DCC: variants seen among roughly 807,000 people sequenced by gnomAD.
DCC encodes netrin receptor DCC.
DCC carries 58 observed loss-of-function variants against 172.5 expected under a neutral mutation model. The observed-to-expected ratio is 0.34, with a 90% CI of 0.27 to 0.42. DCC has a LOEUF of 0.42. Among genes scored for constraint, DCC ranks in the 10% least tolerant of loss-of-function variants. The pLI is 1.00. For missense variants in DCC, 1,740 were observed against 1,791.0 expected (o/e 0.97, Z 0.51); for synonymous variants, 709 against 644.5 (o/e 1.10, Z -1.52).
At position 53,101,349 on chromosome 18, in the gene DCC, G is replaced by C. The variant is rs145947969; in HGVS notation, c.1261+35183G>C. Among the ~76,000 whole-genome samples, 15 of 152,188 alleles carry C rather than the reference G, an allele frequency of 9.9e-5. No homozygotes were observed. The East Asian group carries it at 1.2e-3, about 12-fold the overall frequency. On this transcript the variant is annotated intron_variant, in intron 7 of 28. Coordinates refer to ENST00000442544, the MANE Select transcript of DCC (RefSeq NM_005215.4). ...AGATGAGTAGGGGCCTGCAGAAAGA[G>C]CTAGTTAGATTAATCCTTAAGGAGT...
chr18:52,711,160 T>C (rs973305984), intron 1 of DCC, among the ~76,000 whole-genome samples: 2 of 152,186 alleles, frequency 1.3e-5, no homozygotes, highest in Admixed American at 6.5e-5. Context: ...GACCTATTTA[T>C]TTATTTATTT....
At chr18:52,893,213 A>T (rs1040823052) in intron 2 of DCC, among the ~76,000 whole-genome samples, 1 of 152,108 alleles carries the variant, frequency 6.6e-6, no homozygotes, top group Non-Finnish European at 1.5e-5. Flanking sequence ...ACTCAGGCAC[A>T]TGTCTTTGGC....
intron 5 of DCC, among the ~76,000 whole-genome samples, chr18:52,933,188 G>C (rs953895952): frequency 6.6e-6 from 1 of 152,086 alleles, no homozygotes; most frequent in African/African-American, 2.4e-5. Context: ...ACCACAGTGT[G>C]AGTAGAAAAC....
chr18:52,486,778 G>T (rs2030247114), intron 1 of DCC, among the ~76,000 whole-genome samples: 1 of 152,102 alleles, frequency 6.6e-6, no homozygotes, highest in Non-Finnish European at 1.5e-5. Context: ...AAATAATGGG[G>T]TTGATTCTGC....
intron 7 of DCC, among the ~76,000 whole-genome samples, chr18:53,156,593 G>C (rs1482236400): frequency 5.9e-5 from 9 of 151,584 alleles, no homozygotes; most frequent in Admixed American, 5.9e-4. Flanking sequence ...CTTACTGTAT[G>C]TTAAAACTAT....
intron 9 of DCC, among the ~76,000 whole-genome samples, chr18:53,200,980 A>G (rs2055528297): frequency 6.6e-6 from 1 of 152,010 alleles, no homozygotes; most frequent in South Asian, 2.1e-4. Context: ...GCCACCTACT[A>G]TGCATGTGGT....
chr18:53,463,419 T>C lies in DCC; in HGVS notation c.3619+3961T>C, dbSNP rs1175341283. On this transcript the variant is annotated intron_variant, in intron 24 of 28. Coordinates refer to ENST00000442544, the MANE Select transcript of DCC (RefSeq NM_005215.4). ...GTAATCCTCAAAGTCCTGCAAGCTA[T>C]ACTTTATGTTAAATTAAGTATTCTT... Among the ~76,000 whole-genome samples, 4 of 152,138 alleles carry C rather than the reference T, an allele frequency of 2.6e-5. No homozygotes were observed. In the East Asian group the frequency reaches 7.7e-4, roughly 29 times the overall value.
At chr18:53,111,083 G>A (rs1395154727) in intron 7 of DCC, among the ~76,000 whole-genome samples, 1 of 148,960 alleles carries the variant, frequency 6.7e-6, no homozygotes, top group Admixed American at 6.7e-5. Flanking sequence ...AAAATGATGA[G>A]TTCATGTCCT....
At chr18:52,469,131 C>T (rs2144556560) in intron 1 of DCC, among the ~76,000 whole-genome samples, 1 of 152,160 alleles carries the variant, frequency 6.6e-6, no homozygotes, top group East Asian at 1.9e-4. Context: ...GATCTCAGCT[C>T]ACTGCAAACT....
At chr18:52,384,266 A>T (rs966907340) in intron 1 of DCC, among the ~76,000 whole-genome samples, 2 of 152,116 alleles carry the variant, frequency 1.3e-5, no homozygotes, top group Non-Finnish European at 2.9e-5. Context: ...CTGTGCACTA[A>T]GGAGTGACAC....
At chr18:52,734,762 CA>C (rs1445664711) in intron 1 of DCC, among the ~76,000 whole-genome samples, 3 of 152,096 alleles carry the variant, frequency 2.0e-5, no homozygotes, top group African/African-American at 7.2e-5. Flanking sequence ...CTGAGACTAA[CA>C]ATGTTCAATA....
intron 14 of DCC, among the ~76,000 whole-genome samples, chr18:53,327,147 AC>A (rs1443026600): frequency 1.3e-5 from 2 of 152,164 alleles, no homozygotes; most frequent in Admixed American, 6.5e-5. Flanking sequence ...TTGGAGAAAT[AC>A]CCCAAGTCCT....
At chr18:52,393,208 G>T (rs1334138472) in intron 1 of DCC, among the ~76,000 whole-genome samples, 3 of 152,072 alleles carry the variant, frequency 2.0e-5, no homozygotes, top group African/African-American at 7.2e-5. Context: ...TGAAATGAAA[G>T]AATGACATGC....
At chr18:52,997,615 T>C (rs1281423605) in intron 5 of DCC, among the ~76,000 whole-genome samples, 2 of 152,112 alleles carry the variant, frequency 1.3e-5, no homozygotes, top group Non-Finnish European at 2.9e-5. Context: ...ATCTAAGATG[T>C]GCATTGTGCA....
At chr18:52,379,091 G>C (rs1282252670) in intron 1 of DCC, among the ~76,000 whole-genome samples, 1 of 152,112 alleles carries the variant, frequency 6.6e-6, no homozygotes, top group Non-Finnish European at 1.5e-5. Context: ...ATATTGCGTA[G>C]CAAACCTCTC....
At chr18:52,652,151 G>A (rs1457660410) in intron 1 of DCC, among the ~76,000 whole-genome samples, 2 of 152,042 alleles carry the variant, frequency 1.3e-5, no homozygotes, top group Admixed American at 1.3e-4. Flanking sequence ...TCAGTCAATG[G>A]AGAGTTTTTA....
chr18:53,206,880 A>G (rs553613193), intron 10 of DCC, among the ~76,000 whole-genome samples: 8 of 151,830 alleles, frequency 5.3e-5, no homozygotes, highest in African/African-American at 9.7e-5. Flanking sequence ...TTTACTTAAA[A>G]ATAAGAAATA....
At chr18:52,887,158 T>C (rs1239790529) in intron 2 of DCC, among the ~76,000 whole-genome samples, 1 of 152,210 alleles carries the variant, frequency 6.6e-6, no homozygotes, top group Non-Finnish European at 1.5e-5. Context: ...GCAAACTCAG[T>C]GCTGAATTTG....
intron 2 of DCC, among the ~76,000 whole-genome samples, chr18:52,867,260 G>A (rs2039242637): frequency 6.6e-6 from 1 of 152,196 alleles, no homozygotes; most frequent in African/African-American, 2.4e-5. Flanking sequence ...GCTTTTTGAT[G>A]TGCTGCTGGA....
Sources: allele counts gnomAD v4.1 joint callset (sites outside exome capture counted in the v4.1 genomes callset), GRCh38; gene constraint gnomAD v4.1.1; transcripts MANE v1.5; gene names NCBI Gene and HGNC (gene_info 2026-07-23, HGNC 2026-07-21).